The following BRD4 variants were observed in gnomAD, a reference collection of about 807,000 sequenced individuals.
BRD4 encodes the protein bromodomain-containing protein 4.
Under a neutral mutation model 142.1 loss-of-function variants are expected in BRD4, and 16 were observed. That is an observed-to-expected ratio of 0.11 (90% CI 0.08 to 0.17). The LOEUF is 0.17. Among genes scored for constraint, BRD4 ranks in the 10% least tolerant of loss-of-function variants. The probability of loss-of-function intolerance (pLI) is 1.00; values close to 1 mark genes in which losing one functional copy is unlikely to be tolerated. For missense variants in BRD4, 1,424 were observed against 1,810.9 expected (o/e 0.79, Z 3.88); for synonymous variants, 833 against 707.5 (o/e 1.18, Z -2.82).
chr19:15,305,738 A>T (rs1343088412), intron 1 of BRD4, among the ~76,000 whole-genome samples: 2 of 152,264 alleles, frequency 1.3e-5, no homozygotes, highest in East Asian at 3.8e-4. Flanking sequence ...AATGAGAGGC[A>T]GCCTGTCCTT....
At chr19:15,328,491 C>A (rs898210677) in intron 1 of BRD4, among the ~76,000 whole-genome samples, 2 of 152,166 alleles carry the variant, frequency 1.3e-5, no homozygotes, top group African/African-American at 4.8e-5. Flanking sequence ...CCAGGCTGCT[C>A]GGACTAATAA....
chr19:15,266,829 G>C (rs2047539395), intron 4 of BRD4, among the ~76,000 whole-genome samples: 2 of 152,198 alleles, frequency 1.3e-5, no homozygotes, highest in Admixed American at 1.3e-4. Flanking sequence ...GTAGCCAGTA[G>C]CTGCTGGAGA....
rs557093283 is a variant in BRD4 at position 15,327,481 on chromosome 19, C to G, written c.-35+4809G>C. ...AGTGCTTGAACCCGGGGGGTGGAGG[C>G]TGCAGTGGGCTGAGATCGTGCCACT... On this transcript the variant is annotated intron_variant, in intron 1 of 19. Coordinates refer to ENST00000679869, the MANE Select transcript of BRD4 (RefSeq NM_001379291.1). Among the ~76,000 whole-genome samples the G allele has an allele frequency of 4.5e-3, 681 of 151,904 alleles. 7 individuals carry two copies. Among genetic ancestry groups the G allele is most frequent in the African/African-American group, 0.016 (644 of 41,452 alleles).
chr19:15,296,255 A>C (rs2047821998), intron 1 of BRD4, among the ~76,000 whole-genome samples: 2 of 152,078 alleles, frequency 1.3e-5, no homozygotes, highest in Non-Finnish European at 2.9e-5. Context: ...TCCATCTCAA[A>C]ATAAAAAAAA....
chr19:15,307,040 A>T (rs545677270), intron 1 of BRD4, among the ~76,000 whole-genome samples: 2 of 152,352 alleles, frequency 1.3e-5, no homozygotes, highest in South Asian at 4.1e-4. Flanking sequence ...ATACCTATAC[A>T]TGCAACAAAC....
intron 8 of BRD4, 141 bp from the exon 9 acceptor site, chr19:15,256,404 G>A (rs1382603946): frequency 9.8e-7 from 1 of 1,023,112 alleles, no homozygotes; most frequent in Admixed American, 2.3e-5. Context: ...GCAGGGGAAG[G>A]GAAGGCCCCC....
intron 1 of BRD4, among the ~76,000 whole-genome samples, chr19:15,278,028 C>G (rs1362067183): frequency 7.8e-6 from 1 of 128,032 alleles, no homozygotes; most frequent in African/African-American, 3.0e-5. Flanking sequence ...ATGGTGTGAA[C>G]CTGGGAGGTG....
chr19:15,269,490 A>G (rs192571532), intron 2 of BRD4, among the ~76,000 whole-genome samples: 7 of 152,268 alleles, frequency 4.6e-5, no homozygotes, highest in South Asian at 2.1e-4. Context: ...CCCTGGCGCC[A>G]ATGCTGGAGT....
intron 14 of BRD4, among the ~76,000 whole-genome samples, chr19:15,240,462 C>G (rs1322560403): frequency 2.0e-5 from 3 of 152,198 alleles, no homozygotes; most frequent in Non-Finnish European, 4.4e-5. Context: ...CCTGGCCCAC[C>G]TGGATGATTG....
intron 11 of BRD4, 94 bp downstream of exon 11, chr19:15,254,058 C>A (rs2047379341): frequency 9.3e-7 from 1 of 1,077,630 alleles, no homozygotes; most frequent in Non-Finnish European, 1.4e-6. Context: ...GGAGTGCCGT[C>A]TCTGGGCTCT....
intron 1 of BRD4, among the ~76,000 whole-genome samples, chr19:15,301,154 G>A (rs1449005519): frequency 6.6e-6 from 1 of 152,194 alleles, no homozygotes; most frequent in Non-Finnish European, 1.5e-5. Context: ...AATAAACTAT[G>A]TTAACGAAAA....
Position 15,256,281 on chromosome 19 carries a change from A to C in BRD4, c.1552-18T>G, listed in dbSNP as rs200283918. On this transcript the variant is annotated intron_variant, in intron 8 of 19. Coordinates refer to ENST00000679869, the MANE Select transcript of BRD4 (RefSeq NM_001379291.1). ...GCTTTGAGCTGTAGACCAGACAGGC[A>C]AGACACACACTCAGGGCTGAAACCA... The C allele has an allele frequency of 1.2e-5, 19 of 1,605,062 alleles. No homozygotes were observed. The highest frequency in any genetic ancestry group is 1.5e-5 in the Non-Finnish European group (18 of 1,177,798).
At chr19:15,302,640 G>T (rs112262452) in intron 1 of BRD4, among the ~76,000 whole-genome samples, 8 of 113,934 alleles carry the variant, frequency 7.0e-5, no homozygotes, top group African/African-American at 2.4e-4. Context: ...CTGCACTCCA[G>T]CCTGGACAAC....
intron 10 of BRD4, among the ~76,000 whole-genome samples, chr19:15,254,508 G>A (rs1047741763): frequency 6.6e-6 from 1 of 152,176 alleles, no homozygotes; most frequent in East Asian, 1.9e-4. Flanking sequence ...CTCCTTTGGG[G>A]GGTTTATCAA....
chr19:15,239,846 C>A lies in BRD4; in HGVS notation c.3283-25G>T, dbSNP rs200400609. 1.7e-5 allele frequency: 28 copies of A among 1,613,700 alleles called. No homozygotes were observed. Among genetic ancestry groups the A allele is most frequent in the Non-Finnish European group, 2.4e-5 (28 of 1,179,990 alleles). The stretch of plus-strand genomic sequence containing the variant: ...CCTGGGATGGCACAGGCACAGCGGC[C>A]GGTGAGGTGGGCAGGCACCCCCGGC... On this transcript the variant is annotated intron_variant, in intron 15 of 19. Coordinates refer to ENST00000679869, the MANE Select transcript of BRD4 (RefSeq NM_001379291.1). This position sits in a 1 kb window ranked among gnomAD's most constrained non-coding sequence, Gnocchi z 7.4.
intron 1 of BRD4, among the ~76,000 whole-genome samples, chr19:15,315,181 A>G (rs1040559347): frequency 2.0e-5 from 3 of 151,786 alleles, no homozygotes; most frequent in African/African-American, 7.3e-5. Context: ...AGGTATTCAG[A>G]GCCAATTTCC....
intron 1 of BRD4, among the ~76,000 whole-genome samples, chr19:15,330,980 T>G (rs1308172708): frequency 2.6e-5 from 4 of 151,844 alleles, no homozygotes; most frequent in Non-Finnish European, 5.9e-5. Context: ...TGCGACTTGG[T>G]TTTTGGAACC....
intron 1 of BRD4, among the ~76,000 whole-genome samples, chr19:15,293,440 C>G (rs1304503965): frequency 1.3e-5 from 2 of 152,146 alleles, no homozygotes; most frequent in East Asian, 1.9e-4. Context: ...GAAGCAACAG[C>G]TGGCAACTCG....
At chr19:15,284,939 A>T (rs1424748356) in intron 1 of BRD4, among the ~76,000 whole-genome samples, 1 of 152,216 alleles carries the variant, frequency 6.6e-6, no homozygotes, top group Admixed American at 6.5e-5. Flanking sequence ...CCCAACTCTT[A>T]CACTGACAGG....
Sources: gnomAD v4.1 joint callset for allele counts (sites outside exome capture counted in the v4.1 genomes callset) on GRCh38, gnomAD v4.1.1 for gene constraint, Gnocchi (gnomAD v3.1) non-coding constraint, MANE v1.5 for transcripts, NCBI Gene and HGNC (gene_info 2026-07-23, HGNC 2026-07-21) for gene names.